FLRT1: variants seen among roughly 807,000 people sequenced by gnomAD.
The protein encoded by FLRT1 is leucine-rich repeat transmembrane protein FLRT1.
A neutral mutation model predicts 30.9 loss-of-function variants in FLRT1; 14 were observed. The observed-to-expected ratio is 0.45, with a 90% CI of 0.30 to 0.71. The LOEUF is 0.71. Ranked by LOEUF, FLRT1 falls within the 30% of genes least tolerant of loss-of-function variation. The pLI is 0.08. For missense variants in FLRT1, 737 were observed against 949.2 expected, an observed-to-expected ratio of 0.78 and a Z score of 2.94; for synonymous variants, 368 against 430.4, an observed-to-expected ratio of 0.85 and a Z score of 1.80.
chr11:64,114,141 T>G (rs1192358473), intron 2 of FLRT1, among the ~76,000 whole-genome samples: 10 of 147,760 alleles, frequency 6.8e-5, no homozygotes. Flanking sequence ...CATGCCTGAA[T>G]GGATGAATGA....
intron 1 of FLRT1, among the ~76,000 whole-genome samples, chr11:64,073,211 C>T (rs1176145919): frequency 1.3e-5 from 2 of 152,250 alleles, no homozygotes; most frequent in South Asian, 2.1e-4. Context: ...TTTACCCCCT[C>T]ATCCGGCCAT....
chr11:64,091,912 CCG>C (rs1213049633), intron 1 of FLRT1, among the ~76,000 whole-genome samples: 1 of 152,198 alleles, frequency 6.6e-6, no homozygotes, highest in African/African-American at 2.4e-5. Context: ...TCTCTGTGTC[CCG>C]AGGCCTCTCT....
intron 2 of FLRT1, among the ~76,000 whole-genome samples, chr11:64,114,542 T>C (rs535738025): frequency 4.8e-5 from 5 of 105,010 alleles, no homozygotes; most frequent in Admixed American, 9.5e-5. Flanking sequence ...GATGTATGGA[T>C]TGATGCATGG....
rs557413519 is a variant in FLRT1, at chr11:64,099,435, G to A, written c.-1037-3759G>A. Among the ~76,000 whole-genome samples, 7 of 152,368 alleles carry A rather than the reference G, an allele frequency of 4.6e-5. No individual in the cohort carries two copies. The South Asian group carries it at 1.4e-3, about 32-fold the overall frequency. On this transcript the variant is annotated intron_variant, in intron 1 of 2. Transcript: ENST00000682287. The stretch of plus-strand genomic sequence containing the variant: ...TGTTTGCTGGATGGAGAGATGGGTA[G>A]ATGGAAAGATGGAGAAATGGATAGG...
Position 64,118,654 on chromosome 11 carries a change from T to A in FLRT1, c.*362T>A. On this transcript the variant is annotated 3_prime_UTR_variant, in exon 3 of 3. Coordinates refer to ENST00000682287, the MANE Select transcript of FLRT1 (RefSeq NM_013280.5). ...TACCTGTACAACATCTGTGGACACC[T>A]CATGCTCTGTTCAAGGCCATCACAA... 1 of 197,382 alleles carries A rather than the reference T, an allele frequency of 5.1e-6. No homozygotes were observed. The highest frequency in any genetic ancestry group is 1.1e-5 in the Non-Finnish European group (1 of 87,176). The allele number at this position is 197,382 out of a possible 1,614,324, so 12.2% of individuals were successfully genotyped here.
intron 1 of FLRT1, among the ~76,000 whole-genome samples, chr11:64,068,347 A>T (rs1219573977): frequency 6.6e-6 from 1 of 152,194 alleles, no homozygotes; most frequent in Non-Finnish European, 1.5e-5. Flanking sequence ...GATGCCTACC[A>T]GGCCCTGGCA....
rs776192487 is a variant in FLRT1, at chr11:64,039,693, A to G, written c.-1038+3534A>G. Among the ~76,000 whole-genome samples the G allele has an allele frequency of 5.4e-4, 82 of 152,274 alleles. 2 individuals are homozygous for G. The highest frequency in any genetic ancestry group is 6.8e-3 in the Middle Eastern group (2 of 294). On this transcript the variant is annotated intron_variant, in intron 1 of 2. Transcript: ENST00000682287. ...TCCATGGAGCAGGCTGTGTTTGTGC[A>G]GGCCTGTGTTTGCCTGTTTACCATC...
intron 1 of FLRT1, among the ~76,000 whole-genome samples, chr11:64,045,721 A>G (rs1943572525): frequency 6.6e-6 from 1 of 152,164 alleles, no homozygotes; most frequent in South Asian, 2.1e-4. Flanking sequence ...AAGCCACTGT[A>G]CCCCTGGATG....
chr11:64,083,966 G>GA (rs1383603412), intron 1 of FLRT1, among the ~76,000 whole-genome samples: 1 of 151,976 alleles, frequency 6.6e-6, no homozygotes, highest in African/African-American at 2.4e-5. Context: ...GGGCTGACAT[G>GA]AAGAGTGTCA....
At chr11:64,113,937 C>CGGATGGATGGAT (rs562555774) in intron 2 of FLRT1, among the ~76,000 whole-genome samples, 1 of 66,522 alleles carries the variant, frequency 1.5e-5, no homozygotes, top group Non-Finnish European at 3.0e-5. Flanking sequence ...GATTGATGCA[C>CGGATGGATGGAT]GGATGGATGG....
At chr11:64,093,421 C>G (rs918214437) in intron 1 of FLRT1, among the ~76,000 whole-genome samples, 1 of 152,246 alleles carries the variant, frequency 6.6e-6, no homozygotes, top group South Asian at 2.1e-4. Flanking sequence ...GCCGGGAAGC[C>G]AGGCCTCCAC....
At chr11:64,074,333 C>T (rs543131489) in intron 1 of FLRT1, among the ~76,000 whole-genome samples, 47 of 152,306 alleles carry the variant, frequency 3.1e-4, no homozygotes, top group Admixed American at 1.0e-3. Flanking sequence ...CTGCAAGGTC[C>T]CGCTCTGGGA....
intron 1 of FLRT1, among the ~76,000 whole-genome samples, chr11:64,068,302 C>A (rs1296662785): frequency 6.6e-6 from 1 of 152,256 alleles, no homozygotes; most frequent in Non-Finnish European, 1.5e-5. Context: ...CCACCCAGCA[C>A]CCGCCTGTCC....
At chr11:64,042,914 C>T (rs1943516064) in intron 1 of FLRT1, among the ~76,000 whole-genome samples, 2 of 152,230 alleles carry the variant, frequency 1.3e-5, no homozygotes, top group African/African-American at 4.8e-5. Context: ...TTATCTTCTT[C>T]CCACTGTGAG....
At position 64,071,333 on chromosome 11, in the gene FLRT1, T is replaced by C. The variant is rs938756887; in HGVS notation, c.-1037-31861T>C. ...CTGATTCCAGCTGGGATCCCAGACC[T>C]GCGGTCTCAATCTCTGGGCCCAGCA... On this transcript the variant is annotated intron_variant, in intron 1 of 2. Transcript: ENST00000682287. 5.1e-4 allele frequency among the ~76,000 whole-genome samples: 77 copies of C among 152,128 alleles called. 4 individuals are homozygous for C. The highest frequency in any genetic ancestry group is 1.3e-4 in the Non-Finnish European group (9 of 68,000).
chr11:64,117,622 G>A lies in FLRT1; in HGVS notation c.1355G>A (p.Arg452His), dbSNP rs150825004. Residue 452 changes from arginine (R) to histidine (H), a missense_variant, in exon 3 of 3, where the codon CGC becomes CAC. Coordinates refer to ENST00000682287, the MANE Select transcript of FLRT1 (RefSeq NM_013280.5). ...AAGGCCCTGACGGCAGACTCCATCCGCATCACGTGGAAGGCCACGCTCCCC... is the reference window on the plus strand; with the variant it reads ...AAGGCCCTGACGGCAGACTCCATCCACATCACGTGGAAGGCCACGCTCCCC... Reference protein sequence around the residue: ...HVKALTADSIRITWKATLPAS... With the variant: ...HVKALTADSIHITWKATLPAS... The A allele has an allele frequency of 4.0e-5, 65 of 1,613,560 alleles. No homozygotes were observed. Among genetic ancestry groups the A allele is most frequent in the Non-Finnish European group, 4.6e-5 (54 of 1,180,002 alleles).
At chr11:64,051,114 G>A (rs1943685853) in intron 1 of FLRT1, among the ~76,000 whole-genome samples, 1 of 152,222 alleles carries the variant, frequency 6.6e-6, no homozygotes, top group Non-Finnish European at 1.5e-5. Flanking sequence ...GCCTGTGGGT[G>A]CAGCCCCCAA....
intron 1 of FLRT1, among the ~76,000 whole-genome samples, chr11:64,055,148 C>T (rs1385885756): frequency 6.6e-6 from 1 of 152,194 alleles, no homozygotes; most frequent in Non-Finnish European, 1.5e-5. Context: ...TTTAGTTGTC[C>T]CCAGATCCAC....
rs187174539 is a variant in FLRT1 at position 64,094,987 on chromosome 11, G to C, written c.-1037-8207G>C. 2.2e-3 allele frequency among the ~76,000 whole-genome samples: 338 copies of C among 152,300 alleles called. 4 individuals carry two copies. Among genetic ancestry groups the C allele is most frequent in the African/African-American group, 7.2e-3 (301 of 41,566 alleles). ...AAGTACTAGGGGCCTCGTTAGCTGT[G>C]GCTTCAAAGAGCCTCGTTATTAACA... On this transcript the variant is annotated intron_variant, in intron 1 of 2. Transcript: ENST00000682287.
Sources: allele counts gnomAD v4.1 joint callset (sites outside exome capture counted in the v4.1 genomes callset), GRCh38; gene constraint gnomAD v4.1.1; transcripts MANE v1.5; gene names NCBI Gene and HGNC (gene_info 2026-07-23, HGNC 2026-07-21).